MCM8: variants seen among roughly 807,000 people sequenced by gnomAD.
MCM8 encodes the protein DNA helicase MCM8.
A neutral mutation model predicts 98.9 loss-of-function variants in MCM8; 85 were observed. That is an observed-to-expected ratio of 0.86 (90% CI 0.72 to 1.03). The LOEUF (loss-of-function observed/expected upper bound fraction) is 1.03, where lower values mean the gene tolerates loss of function less well. Among genes scored for constraint, MCM8 ranks in the 50% least tolerant of loss-of-function variants. The pLI, the probability that MCM8 is intolerant of heterozygous loss-of-function variation, is 0.00. For synonymous variants in MCM8, 352 were observed against 338.6 expected (o/e 1.04, Z -0.44); for missense variants, 951 against 997.8 (o/e 0.95, Z 0.63).
At chr20:5,967,807 T>C (rs765301508) in intron 9 of MCM8, 23 bp from the exon 10 acceptor site, 34 of 1,571,502 alleles carry the variant, frequency 2.2e-5, no homozygotes, top group Non-Finnish European at 3.0e-5. Flanking sequence ...CCAACTATTG[T>C]ATTTAACACT....
chr20:5,963,237 T>C, intron 7 of MCM8, 37 bp from the exon 8 acceptor site: 1 of 1,483,846 alleles, frequency 6.7e-7, no homozygotes. Flanking sequence ...TTATAGTTTA[T>C]CAAAATCTGA....
At chr20:5,986,909 C>G (rs572291693) in intron 16 of MCM8, among the ~76,000 whole-genome samples, 3 of 152,302 alleles carry the variant, frequency 2.0e-5, no homozygotes, top group African/African-American at 7.2e-5. Context: ...TCATTGCAGC[C>G]TCTCCTCCCA....
chr20:5,963,992 A>T (rs763640619), intron 8 of MCM8, among the ~76,000 whole-genome samples: 1 of 152,250 alleles, frequency 6.6e-6, no homozygotes, highest in Non-Finnish European at 1.5e-5. Context: ...GCTTCATTCC[A>T]TATTGAGCTG....
rs1011861191 is a variant in MCM8 at position 5,993,588 on chromosome 20, A to G, written c.2323A>G (p.Thr775Ala). The change falls in exon 18 of 19, where the codon ACA becomes GCA. Residue 775 changes from threonine (T) to alanine (A), a missense_variant. By Grantham distance (58) the Thr-to-Ala change is moderately conservative. Coordinates refer to ENST00000610722, the MANE Select transcript of MCM8 (RefSeq NM_032485.6). The stretch of plus-strand genomic sequence containing the variant: ...TGGTTCTGGAATGAGCAACAGGTCA[A>G]CAGCGAAAAGATTTATTTCTGCTCT... ...QHGSGMSNRSTAKRFISALNN... is the reference protein window; with the variant it reads ...QHGSGMSNRSAAKRFISALNN... 3 of 1,612,542 alleles carry G rather than the reference A, an allele frequency of 1.9e-6. No homozygotes were observed. Among genetic ancestry groups the G allele is most frequent in the East Asian group, 2.2e-5 (1 of 44,882 alleles).
chr20:5,954,994 T>C (rs2088936247), intron 4 of MCM8, 108 bp from the exon 5 acceptor site: 1 of 756,180 alleles, frequency 1.3e-6, no homozygotes, highest in Non-Finnish European at 2.1e-6. Flanking sequence ...CTTACCATTA[T>C]CACATATAAA....
In MCM8 at chr20:5,963,341, T is replaced by C. The variant is rs1240032023; in HGVS notation, c.857T>C (p.Met286Thr). Reference sequence around the variant, plus strand: ...CGCAGCTCTCCTCTCACAGTTACGATGGACTGGCAGTCAATCAAGTAAGCG... The same window carrying C: ...CGCAGCTCTCCTCTCACAGTTACGACGGACTGGCAGTCAATCAAGTAAGCG... ...ALRSSPLTVT[M>T]DWQSIKIQEL... Residue 286 changes from methionine (M) to threonine (T), a missense_variant, in exon 8 of 19, where the codon ATG (methionine) becomes ACG (threonine). Met to Thr is a moderately conservative substitution (Grantham distance 81). Coordinates refer to ENST00000610722, the MANE Select transcript of MCM8 (RefSeq NM_032485.6). The C allele has an allele frequency of 2.5e-6, 4 of 1,613,840 alleles. No individual in the cohort carries two copies. Among genetic ancestry groups the C allele is most frequent in the East Asian group, 2.2e-5 (1 of 44,894 alleles).
chr20:5,955,382 G>A (rs1044827836), intron 5 of MCM8, 131 bp downstream of exon 5: 14 of 820,094 alleles, frequency 1.7e-5, no homozygotes, highest in South Asian at 6.4e-5. Context: ...TAGCTTTTAC[G>A]AAAAGATGTT....
At chr20:5,952,837 C>T (rs2088869393) in intron 3 of MCM8, among the ~76,000 whole-genome samples, 1 of 152,238 alleles carries the variant, frequency 6.6e-6, no homozygotes, top group South Asian at 2.1e-4. Context: ...ATTCAGGAAG[C>T]AGCAACCATC....
chr20:5,956,686 G>A (rs1158536838), intron 5 of MCM8, among the ~76,000 whole-genome samples: 1 of 152,170 alleles, frequency 6.6e-6, no homozygotes, highest in African/African-American at 2.4e-5. Flanking sequence ...GAGCCACTGC[G>A]CCCAGCGTGT....
At position 5,973,163 on chromosome 20, in the gene MCM8, A is replaced by C; in HGVS notation, c.1362A>C (p.Gly454=). 1 of 1,614,214 alleles carries C rather than the reference A, an allele frequency of 6.2e-7. No individual in the cohort carries two copies. The highest frequency in any genetic ancestry group is 8.5e-7 in the Non-Finnish European group (1 of 1,180,022). The change falls in exon 12 of 19, where the codon GGA becomes GGC. Residue 454 remains glycine (G), a synonymous_variant. Transcript: ENST00000610722. ...IRGDPHILVV[G]DPGLGKSQML... ...GAGACCCCCACATCCTTGTTGTTGG[A>C]GATCCAGGCCTAGGAAAAAGTCAAA...
intron 8 of MCM8, among the ~76,000 whole-genome samples, chr20:5,963,978 G>A (rs554793155): frequency 3.3e-4 from 50 of 152,298 alleles, no homozygotes; most frequent in African/African-American, 1.2e-3. Flanking sequence ...AAGCAAAGCT[G>A]TGTGCTTCAT....
chr20:5,952,245 C>T (rs1402421865), intron 2 of MCM8, 82 bp downstream of exon 2: 2 of 1,574,940 alleles, frequency 1.3e-6, no homozygotes, highest in South Asian at 1.2e-5. Flanking sequence ...TTATCTCATA[C>T]TTCAGTTTGT....
chr20:5,965,606 T>G (rs1019622830), intron 8 of MCM8: 1 of 152,224 alleles, frequency 6.6e-6, no homozygotes, highest in Non-Finnish European at 1.5e-5. Context: ...GGTTTTGTTT[T>G]GTTGGTTTTT....
rs1030358307 is a variant in MCM8 at position 5,996,579 on chromosome 20, C to T, written c.*2188C>T. ...TATTAATAGAATTTAAAACATTTCA[C>T]AAAAGTCAACACATAAATAATATCA... On this transcript the variant is annotated 3_prime_UTR_variant, in exon 19 of 19. Coordinates refer to ENST00000610722, the MANE Select transcript of MCM8 (RefSeq NM_032485.6). 1 of 151,930 alleles carries T rather than the reference C, an allele frequency of 6.6e-6. No homozygotes were observed. Among genetic ancestry groups the T allele is most frequent in the Non-Finnish European group, 1.5e-5 (1 of 67,972 alleles). The allele number at this position is 151,930 out of a possible 1,614,324, so 9.4% of individuals were successfully genotyped here. A position where few individuals can be genotyped will look rare whatever the true frequency, so the allele number is the denominator to read the frequency against.
At chr20:5,953,504 T>C (rs558830990) in intron 3 of MCM8, among the ~76,000 whole-genome samples, 11 of 151,562 alleles carry the variant, frequency 7.3e-5, no homozygotes, top group Admixed American at 6.6e-4. Flanking sequence ...GATGGAGTCT[T>C]GCTCTGTTGC....
At chr20:5,959,448 G>C in intron 7 of MCM8, among the ~76,000 whole-genome samples, 1 of 152,102 alleles carries the variant, frequency 6.6e-6, no homozygotes, top group East Asian at 1.9e-4. Flanking sequence ...ATGGTATCCT[G>C]AATGTAACAC....
rs769101621 is a variant in MCM8 at position 5,963,261 on chromosome 20, T to G, written c.790-13T>G. The G allele has an allele frequency of 6.3e-7, 1 of 1,596,518 alleles. No individual in the cohort carries two copies. The highest frequency in any genetic ancestry group is 8.6e-7 in the Non-Finnish European group (1 of 1,164,070). On this transcript the variant is annotated splice_polypyrimidine_tract_variant and intron_variant, in intron 7 of 18. Transcript: ENST00000610722. ...ATCAAAATCTGAATGTGAATTACTTTTGTTTCATTCAGTGTCCTGTGCCTG... is the reference window on the plus strand; with the variant it reads ...ATCAAAATCTGAATGTGAATTACTTGTGTTTCATTCAGTGTCCTGTGCCTG...
intron 6 of MCM8, among the ~76,000 whole-genome samples, chr20:5,957,438 G>C (rs962243203): frequency 3.3e-5 from 5 of 152,168 alleles, no homozygotes; most frequent in Non-Finnish European, 5.9e-5. Context: ...AGAAAATGTT[G>C]ATTTCCTAAC....
intron 15 of MCM8, 34 bp from the exon 16 acceptor site, chr20:5,985,888 C>T (rs758463274): frequency 8.8e-6 from 14 of 1,598,314 alleles, no homozygotes; most frequent in Admixed American, 1.7e-5. Flanking sequence ...TGCTACTTAT[C>T]CTTGTTATCT....
Sources: gnomAD v4.1 joint callset for allele counts (sites outside exome capture counted in the v4.1 genomes callset) on GRCh38, gnomAD v4.1.1 for gene constraint, MANE v1.5 for transcripts, NCBI Gene and HGNC (gene_info 2026-07-23, HGNC 2026-07-21) for gene names.